The following AFF2 variants were observed in gnomAD, a reference collection of about 807,000 sequenced individuals.
AFF2 encodes the protein AF4/FMR2 family member 2.
AFF2 carries 14 observed loss-of-function variants against 76.9 expected under a neutral mutation model. The observed-to-expected ratio is 0.18, with a 90% CI of 0.12 to 0.28. The LOEUF is 0.28. Ranked by LOEUF, AFF2 falls within the 10% of genes least tolerant of loss-of-function variation. AFF2 has a pLI of 1.00. For missense variants in AFF2, 868 were observed against 1,001.1 expected (o/e 0.87, Z 1.79); for synonymous variants, 398 against 366.7 (o/e 1.09, Z -0.98).
intron 2 of AFF2, among the ~76,000 whole-genome samples, chrX:148,660,055 C>T (rs2054289050): frequency 8.9e-6 from 1 of 112,062 alleles, no homozygotes; most frequent in Non-Finnish European, 1.9e-5. Flanking sequence ...CTAAAATTGA[C>T]ATATAGTTAT....
intron 3 of AFF2, among the ~76,000 whole-genome samples, chrX:148,779,553 ATAGT>A (rs1395912519): frequency 1.8e-5 from 2 of 110,028 alleles, no homozygotes; most frequent in Non-Finnish European, 3.8e-5. Flanking sequence ...TATATTTAGG[ATAGT>A]TAGCTCTTCT....
At chrX:148,560,694 T>C (rs906722945) in intron 1 of AFF2, among the ~76,000 whole-genome samples, 1 of 112,253 alleles carries the variant, frequency 8.9e-6, no homozygotes, top group Non-Finnish European at 1.9e-5. Context: ...TATGGAAATA[T>C]CTGATTTTTA....
At chrX:148,628,579 A>G (rs1289088565) in intron 1 of AFF2, among the ~76,000 whole-genome samples, 11 of 111,263 alleles carry the variant, frequency 9.9e-5, no homozygotes, top group Non-Finnish European at 2.1e-4. Flanking sequence ...AACCAAAAAA[A>G]AAAAAAAAGA....
intron 9 of AFF2, among the ~76,000 whole-genome samples, chrX:148,947,331 G>A (rs1315348363): frequency 1.8e-5 from 2 of 112,109 alleles, no homozygotes; most frequent in African/African-American, 6.5e-5. Context: ...ATGATATTGG[G>A]ATATGAATTA....
At chrX:148,581,505 TAC>T (rs782615798) in intron 1 of AFF2, among the ~76,000 whole-genome samples, 1 of 26,919 alleles carries the variant, frequency 3.7e-5, no homozygotes, top group Non-Finnish European at 8.3e-5. Context: ...CACACATATA[TAC>T]GTATACGTCT....
intron 3 of AFF2, among the ~76,000 whole-genome samples, chrX:148,762,420 TACAC>T (rs1557267378): frequency 2.0e-5 from 2 of 101,112 alleles, no homozygotes; most frequent in African/African-American, 8.9e-5. Flanking sequence ...TATATATATA[TACAC>T]ATGCACACAT....
intron 8 of AFF2, among the ~76,000 whole-genome samples, chrX:148,896,729 T>C (rs1409800644): frequency 9.0e-6 from 1 of 111,247 alleles, no homozygotes; most frequent in African/African-American, 3.3e-5. Context: ...GTGGACCTGA[T>C]AGTACTACCA....
chrX:148,668,084 A>G (rs1557258666), intron 3 of AFF2, among the ~76,000 whole-genome samples: 2 of 113,079 alleles, frequency 1.8e-5, no homozygotes, highest in Non-Finnish European at 3.7e-5. Context: ...AAATTGGCCA[A>G]AACAAAGGGG....
At chrX:148,949,733 G>A (rs1355440536) in intron 9 of AFF2, among the ~76,000 whole-genome samples, 1 of 112,543 alleles carries the variant, frequency 8.9e-6, no homozygotes, top group Non-Finnish European at 1.9e-5. Flanking sequence ...AGACTATAGA[G>A]TGGATGGCTT....
At chrX:148,845,118 CAT>C (rs1399886130) in intron 7 of AFF2, among the ~76,000 whole-genome samples, 12 of 29,529 alleles carry the variant, frequency 4.1e-4, no homozygotes, top group Admixed American at 6.6e-4. Flanking sequence ...CACACATACA[CAT>C]ACACACACAC....
chrX:148,768,117 C>T (rs1429032311), intron 3 of AFF2, among the ~76,000 whole-genome samples: 3 of 107,845 alleles, frequency 2.8e-5, no homozygotes, highest in African/African-American at 1.0e-4. Flanking sequence ...TTTATTCATC[C>T]TACGAGAGAC....
intron 1 of AFF2, among the ~76,000 whole-genome samples, chrX:148,555,979 G>A (rs1353785522): frequency 8.9e-6 from 1 of 111,925 alleles, no homozygotes; most frequent in African/African-American, 3.2e-5. Context: ...AGTTTTCAGG[G>A]TGTAATTTAG....
At chrX:148,768,202 AC>A (rs1399681998) in intron 3 of AFF2, among the ~76,000 whole-genome samples, 6 of 106,860 alleles carry the variant, frequency 5.6e-5, no homozygotes, top group African/African-American at 2.1e-4. Flanking sequence ...AATCACCCTC[AC>A]CCCCAAATCC....
intron 1 of AFF2, among the ~76,000 whole-genome samples, chrX:148,539,309 C>T (rs2124262752): frequency 9.0e-6 from 1 of 111,532 alleles, no homozygotes; most frequent in Non-Finnish European, 1.9e-5. Context: ...AGTTTACTAA[C>T]TTGTTTAGCA....
Position 148,882,280 on chromosome X carries a change from G to C in AFF2, c.1263-3609G>C, listed in dbSNP as rs139282216. On this transcript the variant is annotated intron_variant, in intron 7 of 20. Transcript: ENST00000370460. Reference sequence around the variant, plus strand: ...AATCAAGGACAAAGATCTTCTTTTGGTCCATTCCATCTCATCCAAATTTCA... The same window carrying C: ...AATCAAGGACAAAGATCTTCTTTTGCTCCATTCCATCTCATCCAAATTTCA... Among the ~76,000 whole-genome samples the C allele has an allele frequency of 6.8e-3, 754 of 111,697 alleles. 7 individuals carry two copies. The highest frequency in any genetic ancestry group is 0.023 in the African/African-American group (699 of 30,753).
intron 7 of AFF2, among the ~76,000 whole-genome samples, chrX:148,850,101 C>T (rs2070715657): frequency 1.8e-5 from 2 of 111,612 alleles, no homozygotes; most frequent in South Asian, 7.7e-4. Context: ...TAGAATATTC[C>T]CTTCAGTGAG....
chrX:148,756,213 T>C (rs1161484368), intron 3 of AFF2, among the ~76,000 whole-genome samples: 1 of 112,658 alleles, frequency 8.9e-6, no homozygotes, highest in Non-Finnish European at 1.9e-5. Flanking sequence ...ATAAACCATG[T>C]GAAGTGCTTA....
At chrX:148,858,823 T>A (rs1557276150) in intron 7 of AFF2, among the ~76,000 whole-genome samples, 1 of 110,039 alleles carries the variant, frequency 9.1e-6, no homozygotes, top group African/African-American at 3.3e-5. Flanking sequence ...AGTGTTATAG[T>A]GTTATTTCTC....
intron 2 of AFF2, among the ~76,000 whole-genome samples, chrX:148,656,899 A>G (rs2054259527): frequency 8.9e-6 from 1 of 111,776 alleles, no homozygotes; most frequent in Non-Finnish European, 1.9e-5. Context: ...ATGATTCCGT[A>G]TCTGTAACAG....
Sources: gnomAD v4.1 joint callset for allele counts (sites outside exome capture counted in the v4.1 genomes callset) on GRCh38, gnomAD v4.1.1 for gene constraint, MANE v1.5 for transcripts, NCBI Gene and HGNC (gene_info 2026-07-23, HGNC 2026-07-21) for gene names.